Variants in BRAP observed in about 807,000 individuals in gnomAD.
The protein encoded by BRAP is BRCA1 associated protein, also known as BRCA1-associated protein.
Under a neutral mutation model 73.4 loss-of-function variants are expected in BRAP, and 42 were observed. That is an observed-to-expected ratio of 0.57 (90% CI 0.45 to 0.74). BRAP has a LOEUF of 0.74. Among genes scored for constraint, BRAP ranks in the 30% least tolerant of loss-of-function variants. The pLI is 0.00. For missense variants in BRAP, 593 were observed against 751.4 expected (o/e 0.79, Z 2.46); for synonymous variants, 255 against 267.4 (o/e 0.95, Z 0.45).
At chr12:111,656,757 T>C (rs889935923) in intron 9 of BRAP, among the ~76,000 whole-genome samples, 1 of 152,118 alleles carries the variant, frequency 6.6e-6, no homozygotes. Context: ...TGTTTAAAAC[T>C]GGGTCTCATT....
intron 5 of BRAP, among the ~76,000 whole-genome samples, chr12:111,668,024 T>A (rs1367531469): frequency 6.6e-6 from 1 of 152,128 alleles, no homozygotes; most frequent in Admixed American, 6.6e-5. Flanking sequence ...CTGGCCAACG[T>A]GGTGAAACCC....
intron 10 of BRAP, among the ~76,000 whole-genome samples, chr12:111,652,614 G>T (rs941263918): frequency 2.8e-4 from 43 of 152,186 alleles, no homozygotes; most frequent in Admixed American, 2.8e-3. Context: ...CATGGCTCAC[G>T]CCTGTAATCC....
rs1156553696 is a variant in BRAP, at chr12:111,655,602, GT to G, written c.1274del (p.Asn425ThrfsTer3). 1.9e-6 allele frequency: 3 copies of G among 1,613,680 alleles called. No homozygotes were observed. The highest frequency in any genetic ancestry group is 2.5e-6 in the Non-Finnish European group (3 of 1,179,776). On this transcript the variant is annotated frameshift_variant, in exon 10 of 12. Coordinates refer to ENST00000419234, the MANE Select transcript of BRAP (RefSeq NM_006768.5). LOFTEE classifies it high-confidence loss of function. ...QLESQRIYWE[N>X]KIVRIEKDTA... The stretch of plus-strand genomic sequence containing the variant: ...TGTCCTTCTCTATCCGAACTATCTT[GT>G]TTTCCCAGTAGATTCGCTGAGATTC...
chr12:111,659,138 G>C (rs1015972888), intron 8 of BRAP, 69 bp downstream of exon 8: 3 of 1,533,740 alleles, frequency 2.0e-6, no homozygotes, highest in African/African-American at 2.7e-5. Context: ...GGGAGGGAAA[G>C]TGAAGGCGTT....
rs187915263 is a variant in BRAP at position 111,673,748 on chromosome 12, C to A, written c.634-974G>T. On this transcript the variant is annotated intron_variant, in intron 4 of 11. Transcript: ENST00000419234. ...TCAAGGTCAAGGGGCCCAAGATGAA[C>A]CAGCCTTTAAAATACTAACAGTCTC... Among the ~76,000 whole-genome samples, 1,079 of 152,174 alleles carry A rather than the reference C, an allele frequency of 7.1e-3. 5 individuals carry two copies. The highest frequency in any genetic ancestry group is 0.012 in the Admixed American group (181 of 15,276).
At chr12:111,648,508 A>G (rs1461825658) in intron 11 of BRAP, among the ~76,000 whole-genome samples, 1 of 144,416 alleles carries the variant, frequency 6.9e-6, no homozygotes. Context: ...GCTACTCGGG[A>G]GGCTGAGGCA....
chr12:111,677,040 G>A (rs1435750222), intron 4 of BRAP, among the ~76,000 whole-genome samples: 1 of 152,100 alleles, frequency 6.6e-6, no homozygotes, highest in Non-Finnish European at 1.5e-5. Context: ...ATGTCAACTT[G>A]AGCAACCTTC....
intron 11 of BRAP, among the ~76,000 whole-genome samples, chr12:111,648,898 C>T (rs1291377005): frequency 6.6e-6 from 1 of 152,016 alleles, no homozygotes; most frequent in Non-Finnish European, 1.5e-5. Flanking sequence ...AGCACTCCAG[C>T]CTGGGCAACA....
At position 111,644,396 on chromosome 12, in the gene BRAP, C is replaced by T. The variant is rs137950599; in HGVS notation, c.1582G>A (p.Glu528Lys). 2.3e-5 allele frequency: 37 copies of T among 1,614,032 alleles called. No individual in the cohort carries two copies. The highest frequency in any genetic ancestry group is 6.7e-5 in the East Asian group (3 of 44,868). ...TCDQKDLQITEIQEQLRDVMF... is the reference protein window; with the variant it reads ...TCDQKDLQITKIQEQLRDVMF... ...ACGTCACGCAGCTGCTCCTGGATCT[C>T]GGTGATCTGCAGATCTTTTTGGTCA... The change falls in exon 12 of 12, where the codon GAG (glutamate) becomes AAG (lysine). Residue 528 changes from glutamate (E) to lysine (K), a missense_variant. Physicochemically the swap from Glu to Lys is moderately conservative, Grantham distance 56. Around this residue, in one of 4 missense-constraint regions of BRAP, gnomAD observed 143 missense variants for 190.4 expected, o/e 0.75. Coordinates refer to ENST00000419234, the MANE Select transcript of BRAP (RefSeq NM_006768.5).
chr12:111,681,060 T>C (rs941804300), intron 3 of BRAP, among the ~76,000 whole-genome samples: 9 of 152,212 alleles, frequency 5.9e-5, no homozygotes, highest in African/African-American at 2.2e-4. Context: ...TCACCTTCCA[T>C]GCCTATCTGC....
rs760631275 is a variant in BRAP at position 111,683,254 on chromosome 12, C to T, written c.136G>A (p.Ala46Thr). 1.2e-6 allele frequency: 2 copies of T among 1,614,142 alleles called. No individual in the cohort carries two copies. The highest frequency in any genetic ancestry group is 2.2e-5 in the East Asian group (1 of 44,884). ...CCTGGTGACTTGCCTTCTAAACAGG[C>T]TACAGCTGAGGCTAGTGTCGTCTTT... is the stretch of plus-strand genomic sequence containing the variant. The part of the protein sequence containing the change: ...IKKTTLASAV[A>T]CLEGKSPGEK... Residue 46 changes from alanine (A) to threonine (T), a missense_variant, in exon 2 of 12, where the codon GCC becomes ACC. Coordinates refer to ENST00000419234, the MANE Select transcript of BRAP (RefSeq NM_006768.5).
rs1225301358 is a variant in BRAP at position 111,665,760 on chromosome 12, T to G, written c.775A>C (p.Thr259Pro). The change falls in exon 6 of 12, where the codon ACT becomes CCT. Residue 259 changes from threonine to proline, a missense_variant. By Grantham distance (38) the Thr-to-Pro change is conservative (BLOSUM62 -1). Around this residue, in one of 4 missense-constraint regions of BRAP, gnomAD observed 304 missense variants for 337.7 expected, o/e 0.90. Transcript: ENST00000419234. The surrounding 1 kb of genome is among the most constrained non-coding windows in gnomAD (Gnocchi z 4.3). ...CACACCGTGCACTTGGGGAGTTCAG[T>G]CAGGTCCATCACTGGGAGGCTGGCG... Reference protein sequence around the residue: ...DGASLPVMDLTELPKCTVCLE... With the variant: ...DGASLPVMDLPELPKCTVCLE... 1.2e-6 allele frequency: 2 copies of G among 1,614,242 alleles called. No individual in the cohort carries two copies. The highest frequency in any genetic ancestry group is 1.7e-6 in the Non-Finnish European group (2 of 1,180,052).
intron 11 of BRAP, among the ~76,000 whole-genome samples, chr12:111,648,206 G>A (rs940570654): frequency 5.9e-5 from 9 of 151,452 alleles, no homozygotes; most frequent in Middle Eastern, 3.4e-3. Context: ...GCTGAGGCAG[G>A]AGAATCACTT....
At chr12:111,672,983 C>T (rs889450089) in intron 4 of BRAP, 7 of 496,902 alleles carry the variant, frequency 1.4e-5, no homozygotes, top group Non-Finnish European at 2.1e-5. Context: ...TACAGTATTT[C>T]CTGGGCTACA....
In BRAP at chr12:111,673,543, C is replaced by G. The variant is rs182022078; in HGVS notation, c.634-769G>C. ...AAAAAAAAAAGAAAGAAAATGTCAG[C>G]ACTTATGTTAGAAAAAAATAAAAGA... On this transcript the variant is annotated intron_variant, in intron 4 of 11. Transcript: ENST00000419234. Among the ~76,000 whole-genome samples the G allele has an allele frequency of 1.8e-3, 266 of 148,330 alleles. 14 individuals are homozygous for G. Among genetic ancestry groups the G allele is most frequent in the Admixed American group, 0.016 (241 of 14,916 alleles).
intron 6 of BRAP, among the ~76,000 whole-genome samples, chr12:111,662,537 C>T (rs990153377): frequency 1.3e-5 from 2 of 151,244 alleles, no homozygotes; most frequent in African/African-American, 2.4e-5. Context: ...GCAACAAGAG[C>T]GAAACTCCGT....
At chr12:111,644,620 T>G (rs1404663860) in intron 11 of BRAP, 58 bp from the exon 12 acceptor site, 6 of 1,576,898 alleles carry the variant, frequency 3.8e-6, no homozygotes, top group Non-Finnish European at 5.2e-6. Context: ...ACAGTCCCCT[T>G]TCTGCTCTGG....
rs765508779 is a variant in BRAP at position 111,659,212 on chromosome 12, G to A, written c.1106C>T (p.Ala369Val). 6.2e-7 allele frequency: 1 copy of A among 1,613,900 alleles called. No homozygotes were observed. Among genetic ancestry groups the A allele is most frequent in the South Asian group, 1.1e-5 (1 of 91,074 alleles). Residue 369 changes from alanine (A) to valine (V), a missense_variant, in exon 8 of 12, where the codon GCT (alanine) becomes GTT (valine). Ala to Val is a moderately conservative substitution (Grantham distance 64, BLOSUM62 0). Coordinates refer to ENST00000419234, the MANE Select transcript of BRAP (RefSeq NM_006768.5). ...GAAAAGAGAGTGGTATTCACCTCCAGCATAGTCCCAGACTCGATGGTTGGT... is the reference window on the plus strand; with the variant it reads ...GAAAAGAGAGTGGTATTCACCTCCAACATAGTCCCAGACTCGATGGTTGGT... ...QLTNHRVWDY[A>V]GDNYVHRLVA... is the part of the protein sequence containing the mutation.
At chr12:111,653,561 A>G (rs1259477054) in intron 10 of BRAP, among the ~76,000 whole-genome samples, 2 of 152,190 alleles carry the variant, frequency 1.3e-5, no homozygotes, top group African/African-American at 4.8e-5. Flanking sequence ...ACATGCTATA[A>G]TAACGGCACT....
Sources: allele counts gnomAD v4.1 joint callset (sites outside exome capture counted in the v4.1 genomes callset), GRCh38; gene constraint gnomAD v4.1.1; regional missense constraint gnomAD v4.1.1; non-coding constraint Gnocchi (gnomAD v3.1); transcripts MANE v1.5; gene names NCBI Gene and HGNC (gene_info 2026-07-23, HGNC 2026-07-21).